TNNT3: variants seen among roughly 807,000 people sequenced by gnomAD.
TNNT3 encodes the protein troponin T, fast skeletal muscle.
In TNNT3, 36 loss-of-function variants were observed where a neutral mutation model predicts 54.2. That is an observed-to-expected ratio of 0.66 (90% CI 0.51 to 0.88). The LOEUF (loss-of-function observed/expected upper bound fraction) is 0.88. TNNT3 is among the 40% of genes least tolerant of loss of function. The pLI is 0.00. For synonymous variants in TNNT3, 120 were observed against 109.7 expected, an observed-to-expected ratio of 1.09 and a Z score of -0.59; for missense variants, 291 against 331.6, an observed-to-expected ratio of 0.88 and a Z score of 0.95.
intron 3 of TNNT3, 31 bp from the exon 4 acceptor site, chr11:1,923,524 T>A: frequency 6.2e-7 from 1 of 1,613,748 alleles, no homozygotes; most frequent in Non-Finnish European, 8.5e-7. Context: ...CCTTCTAACG[T>A]GGTTCCCCTC....
rs1179003571 is a variant in TNNT3, at chr11:1,938,454, A to G, written c.739A>G (p.Thr247Ala). Reference protein sequence around the residue: ...QAQKHSKKAGTPAKGKVGGRW... With the variant: ...QAQKHSKKAGAPAKGKVGGRW... ...CATTTGCAGCAGCAAGAAGGCTGGG[A>G]CCCCAGCCAAGGGCAAAGTCGGCGG... Residue 247 changes from threonine to alanine, a missense_variant, in exon 16 of 16, where the codon ACC becomes GCC. Physicochemically the swap from Thr to Ala is moderately conservative, Grantham distance 58. Coordinates refer to ENST00000278317, the MANE Select transcript of TNNT3 (RefSeq NM_006757.4). 6.2e-7 allele frequency: 1 copy of G among 1,613,228 alleles called. No individual in the cohort carries two copies. The highest frequency in any genetic ancestry group is 8.5e-7 in the Non-Finnish European group (1 of 1,179,904).
chr11:1,937,973 C>G (rs1855645231), intron 15 of TNNT3, among the ~76,000 whole-genome samples: 1 of 152,182 alleles, frequency 6.6e-6, no homozygotes, highest in Non-Finnish European at 1.5e-5. Context: ...CTCCTGTCCT[C>G]CACCCGCCTT....
In TNNT3 at chr11:1,934,920, G is replaced by A. The variant is rs113617037; in HGVS notation, c.681+1G>A. The A allele has an allele frequency of 4.2e-5, 68 of 1,613,150 alleles. No individual in the cohort carries two copies. Among genetic ancestry groups the A allele is most frequent in the Non-Finnish European group, 5.6e-5 (66 of 1,179,922 alleles). Reference sequence around the variant, plus strand: ...GAAGCTGAAACGCCAGAAATATGACGTGAGTCCCGGCACCTCCGGCCCTGG... The same window carrying A: ...GAAGCTGAAACGCCAGAAATATGACATGAGTCCCGGCACCTCCGGCCCTGG... On this transcript the variant is annotated splice_donor_variant, in intron 14 of 15. Transcript: ENST00000278317. LOFTEE classifies it high-confidence loss of function.
intron 15 of TNNT3, 132 bp from the exon 16 acceptor site, chr11:1,938,306 C>T: frequency 2.0e-6 from 2 of 983,496 alleles, no homozygotes; most frequent in South Asian, 2.6e-5. Context: ...TGGGTGTGGG[C>T]CGCAAGCTTG....
intron 13 of TNNT3, 39 bp from the exon 14 acceptor site, chr11:1,934,790 G>A (rs751006800): frequency 6.2e-7 from 1 of 1,608,662 alleles, no homozygotes; most frequent in Non-Finnish European, 8.5e-7. Flanking sequence ...CTGCCTTTGG[G>A]GCTTATTCAA....
At chr11:1,936,071 C>T (rs1854924861) in intron 14 of TNNT3, 1 of 854,620 alleles carries the variant, frequency 1.2e-6, no homozygotes, top group African/African-American at 1.7e-5. Context: ...ATCAGGGACC[C>T]ACTGGCTTTG....
chr11:1,924,989 C>A, intron 4 of TNNT3, 110 bp from the exon 5 acceptor site: 1 of 1,301,312 alleles, frequency 7.7e-7, no homozygotes, highest in South Asian at 1.2e-5. Context: ...CCTCTTCTCC[C>A]GGCCAGCCGG....
chr11:1,929,863 T>G (rs1189242694), intron 8 of TNNT3, 35 bp downstream of exon 8: 1 of 1,506,514 alleles, frequency 6.6e-7, no homozygotes, highest in Non-Finnish European at 8.9e-7. Flanking sequence ...CGCTGCTGAG[T>G]GTGTTCTGGG....
At chr11:1,935,423 C>T (rs1308153942) in intron 14 of TNNT3, 1 of 234,106 alleles carries the variant, frequency 4.3e-6, no homozygotes, top group Non-Finnish European at 8.5e-6. Flanking sequence ...ACACTGCACC[C>T]TGTGGCTGGG....
rs1311415725 is a variant in TNNT3 at position 1,933,817 on chromosome 11, G to A, written c.268G>A (p.Val90Ile). ...EARKKEEEELVALKERIEKRR... is the reference protein window; with the variant it reads ...EARKKEEEELIALKERIEKRR... ...CCGGAAGAAGGAGGAGGAGGAGCTG[G>A]TCGCTCTCAAAGAGAGAATCGTGAG... The change falls in exon 10 of 16, where the codon GTC becomes ATC. Residue 90 changes from valine to isoleucine, a missense_variant. Val to Ile is a conservative substitution (Grantham distance 29, BLOSUM62 3). Coordinates refer to ENST00000278317, the MANE Select transcript of TNNT3 (RefSeq NM_006757.4). 1.1e-5 allele frequency: 17 copies of A among 1,612,614 alleles called. No individual in the cohort carries two copies. The highest frequency in any genetic ancestry group is 1.4e-5 in the Non-Finnish European group (17 of 1,179,876).
chr11:1,930,981 T>C (rs1209479252), intron 8 of TNNT3, among the ~76,000 whole-genome samples: 2 of 152,240 alleles, frequency 1.3e-5, no homozygotes, highest in Middle Eastern at 3.2e-3. Context: ...GCCTTATTTC[T>C]TCCTTTTTTC....
At position 1,937,017 on chromosome 11, in the gene TNNT3, C is replaced by T. The variant is rs1304193447; in HGVS notation, c.722+14C>T. 6.3e-7 allele frequency: 1 copy of T among 1,591,014 alleles called. No individual in the cohort carries two copies. Among genetic ancestry groups the T allele is most frequent in the Non-Finnish European group, 8.5e-7 (1 of 1,170,726 alleles). ...GGCCCAGAAGCAGTGAGTAGCCCTGCCGTCCTCGCTCCGCACTGGGCACAG... is the reference window on the plus strand; with the variant it reads ...GGCCCAGAAGCAGTGAGTAGCCCTGTCGTCCTCGCTCCGCACTGGGCACAG... On this transcript the variant is annotated intron_variant, in intron 15 of 15. Transcript: ENST00000278317.
Position 1,937,129 on chromosome 11 carries a change from G to A in TNNT3, c.722+126G>A. On this transcript the variant is annotated intron_variant, in intron 15 of 15. Coordinates refer to ENST00000278317, the MANE Select transcript of TNNT3 (RefSeq NM_006757.4). Reference sequence around the variant, plus strand: ...GCAGGGCAGTAACGAGACTAACCCGGCCAGGCCACCCAGGCCAGCATGCGC... The same window carrying A: ...GCAGGGCAGTAACGAGACTAACCCGACCAGGCCACCCAGGCCAGCATGCGC... The A allele has an allele frequency of 2.9e-6, 3 of 1,051,376 alleles. No homozygotes were observed. The South Asian group carries it at 4.0e-5, about 14-fold the overall frequency. The allele number at this position is 1,051,376 out of a possible 1,614,324, so 65.1% of individuals were successfully genotyped here. A position where few individuals can be genotyped will look rare whatever the true frequency, so the allele number is the denominator to read the frequency against.
chr11:1,925,667 C>T (rs1307586376), intron 5 of TNNT3, among the ~76,000 whole-genome samples: 18 of 152,132 alleles, frequency 1.2e-4, no homozygotes, highest in African/African-American at 3.4e-4. Flanking sequence ...CCAGGACGCC[C>T]GCCACATCTT....
At chr11:1,921,151 C>A (rs554849137) in intron 1 of TNNT3, among the ~76,000 whole-genome samples, 1 of 152,198 alleles carries the variant, frequency 6.6e-6, no homozygotes, top group South Asian at 2.1e-4. Flanking sequence ...GCCTCACCCA[C>A]GTCTTGGGTT....
At chr11:1,930,028 G>A (rs1199669860) in intron 8 of TNNT3, among the ~76,000 whole-genome samples, 200 bp downstream of exon 8, 2 of 152,220 alleles carry the variant, frequency 1.3e-5, no homozygotes, top group Non-Finnish European at 2.9e-5. Context: ...CAGATGCCTG[G>A]AGCCTGCATT....
chr11:1,923,827 T>C (rs1850766941), intron 4 of TNNT3, among the ~76,000 whole-genome samples: 1 of 152,076 alleles, frequency 6.6e-6, no homozygotes, highest in Non-Finnish European at 1.5e-5. Flanking sequence ...TTTAATCGAT[T>C]AATATGCATT....
At chr11:1,934,759 G>T in intron 13 of TNNT3, 70 bp from the exon 14 acceptor site, 1 of 1,597,574 alleles carries the variant, frequency 6.3e-7, no homozygotes, top group Non-Finnish European at 8.6e-7. Flanking sequence ...GTGGCTGCAG[G>T]AGGACTCCAG....
intron 14 of TNNT3, among the ~76,000 whole-genome samples, chr11:1,936,711 GCTGCTGTGTGTGGCAGTCCAGGCCAGTA>G (rs1330938686): frequency 6.6e-6 from 1 of 152,246 alleles, no homozygotes; most frequent in African/African-American, 2.4e-5. Context: ...CCAGCTACGG[GCTGCTGTGTGTGGCAGTCCAGGCCAGTA>G]CAGGCTGGCG....
Sources: gnomAD v4.1 joint callset for allele counts (sites outside exome capture counted in the v4.1 genomes callset) on GRCh38, gnomAD v4.1.1 for gene constraint, MANE v1.5 for transcripts, NCBI Gene and HGNC (gene_info 2026-07-23, HGNC 2026-07-21) for gene names.